IRAG1: variants seen among roughly 807,000 people sequenced by gnomAD.
IRAG1 encodes the protein IP3R-associated cGMP kinase substrate.
A neutral mutation model predicts 106.2 loss-of-function variants in IRAG1; 62 were observed. The ratio of observed to expected loss-of-function variants is 0.58; its 90% CI spans 0.48 to 0.72. The LOEUF is 0.72. Among genes scored for constraint, IRAG1 ranks in the 30% least tolerant of loss-of-function variants. The probability of loss-of-function intolerance (pLI) is 0.00; values close to 1 mark genes in which losing one functional copy is unlikely to be tolerated. For synonymous variants in IRAG1, 462 were observed against 443.9 expected, an observed-to-expected ratio of 1.04 and a Z score of -0.51; for missense variants, 1,064 against 1,140.7, an observed-to-expected ratio of 0.93 and a Z score of 0.97.
intron 15 of IRAG1, among the ~76,000 whole-genome samples, 187 bp downstream of exon 15, chr11:10,600,731 T>G (rs16908020): frequency 0.013 from 2,009 of 152,350 alleles, 44 homozygotes; most frequent in African/African-American, 0.046. Context: ...TCATGTTTCC[T>G]GGTTCCAGAC....
intron 1 of IRAG1, among the ~76,000 whole-genome samples, chr11:10,675,400 A>C (rs1860576734): frequency 6.6e-6 from 1 of 152,146 alleles, no homozygotes; most frequent in Non-Finnish European, 1.5e-5. Flanking sequence ...CATGCCTGCC[A>C]CTTGCTGTTA....
chr11:10,683,361 C>CAA (rs563286344), intron 1 of IRAG1, among the ~76,000 whole-genome samples: 17 of 92,612 alleles, frequency 1.8e-4, no homozygotes, highest in African/African-American at 4.5e-4. Flanking sequence ...AGGTTTGTGC[C>CAA]AAAAAAAAAA....
rs1031789699 is a variant in IRAG1 at position 10,604,334 on chromosome 11, C to G, written c.1743+71G>C. The G allele has an allele frequency of 1.8e-4, 290 of 1,584,516 alleles. 1 individual carries two copies. The highest frequency in any genetic ancestry group is 1.5e-3 in the Middle Eastern group (9 of 5,954). Reference sequence around the variant, plus strand: ...GACTATACTTGGTACCTGAGAGAAGCATGACACCCTGTATGGCCCTTGGGG... The same window carrying G: ...GACTATACTTGGTACCTGAGAGAAGGATGACACCCTGTATGGCCCTTGGGG... On this transcript the variant is annotated intron_variant, in intron 13 of 20. Coordinates refer to ENST00000423302, the MANE Select transcript of IRAG1 (RefSeq NM_130385.4).
intron 10 of IRAG1, among the ~76,000 whole-genome samples, chr11:10,621,352 C>T (rs560754052): frequency 6.6e-6 from 1 of 152,240 alleles, no homozygotes; most frequent in African/African-American, 2.4e-5. Context: ...ACACATTCAC[C>T]CAAGAATCCA....
At chr11:10,653,896 G>A (rs1178413519) in intron 1 of IRAG1, among the ~76,000 whole-genome samples, 1 of 152,168 alleles carries the variant, frequency 6.6e-6, no homozygotes, top group East Asian at 1.9e-4. Flanking sequence ...CAACTGGCCT[G>A]GTTCTGCAAC....
intron 10 of IRAG1, among the ~76,000 whole-genome samples, chr11:10,610,774 C>G (rs192767470): frequency 3.0e-4 from 46 of 152,328 alleles, no homozygotes; most frequent in Admixed American, 2.8e-3. Flanking sequence ...TGCCTGACTA[C>G]GGGCTTACAG....
chr11:10,665,387 G>A lies in IRAG1; in HGVS notation c.68-13205C>T, dbSNP rs892615988. ...TTTTACTAATACACACATCTAAACT[G>A]TTAGGGCTCCAGAGGAGTGACTCGG... is the stretch of plus-strand genomic sequence containing the variant. On this transcript the variant is annotated intron_variant, in intron 1 of 20. Coordinates refer to ENST00000423302, the MANE Select transcript of IRAG1 (RefSeq NM_130385.4). The surrounding 1 kb of genome is among the most constrained non-coding windows in gnomAD (Gnocchi z 4.2). Among the ~76,000 whole-genome samples, 2 of 152,164 alleles carry A rather than the reference G, an allele frequency of 1.3e-5. No homozygotes were observed. The highest frequency in any genetic ancestry group is 4.8e-5 in the African/African-American group (2 of 41,428).
intron 3 of IRAG1, among the ~76,000 whole-genome samples, chr11:10,633,139 A>G (rs1339182178): frequency 1.5e-5 from 2 of 136,646 alleles, no homozygotes; most frequent in Non-Finnish European, 3.0e-5. Flanking sequence ...CAGTGGCGCG[A>G]TCTGGGCTCA....
chr11:10,605,594 A>T (rs1030779187), intron 12 of IRAG1, among the ~76,000 whole-genome samples: 7 of 152,232 alleles, frequency 4.6e-5, no homozygotes, highest in Non-Finnish European at 8.8e-5. Flanking sequence ...GTTCAAGGTG[A>T]CACGGAGTAA....
At chr11:10,688,331 C>T (rs1250232392) in intron 1 of IRAG1, among the ~76,000 whole-genome samples, 1 of 152,178 alleles carries the variant, frequency 6.6e-6, no homozygotes, top group Non-Finnish European at 1.5e-5. Flanking sequence ...AAGGGAAGAG[C>T]TGGCCAACAC....
At chr11:10,691,470 G>A (rs549567888) in intron 1 of IRAG1, among the ~76,000 whole-genome samples, 1 of 152,274 alleles carries the variant, frequency 6.6e-6, no homozygotes, top group East Asian at 1.9e-4. Flanking sequence ...AAGGAACCTA[G>A]CTTCCTCACA....
At chr11:10,599,087 A>G (rs995006607) in intron 15 of IRAG1, among the ~76,000 whole-genome samples, 3 of 152,322 alleles carry the variant, frequency 2.0e-5, no homozygotes, top group African/African-American at 7.2e-5. Context: ...AAACACGTAC[A>G]GCTATCGTTG....
At chr11:10,588,786 A>T (rs1037240674) in intron 18 of IRAG1, among the ~76,000 whole-genome samples, 1 of 152,084 alleles carries the variant, frequency 6.6e-6, no homozygotes, top group East Asian at 1.9e-4. Flanking sequence ...CCCACCCATC[A>T]TGTTGTATTA....
chr11:10,574,985 C>T lies in IRAG1; in HGVS notation c.*1347G>A, dbSNP rs147929626. 1.3e-5 allele frequency: 2 copies of T among 152,010 alleles called. No individual in the cohort carries two copies. Among genetic ancestry groups the T allele is most frequent in the Non-Finnish European group, 2.9e-5 (2 of 68,004 alleles). 9.4% of individuals were successfully genotyped at this position (152,010 alleles called of 1,614,324 possible). Reference sequence around the variant, plus strand: ...TCTTCAGGACTTAAATGAATTCATACCTATGTAATACTGAGAACAGTGCTT... The same window carrying T: ...TCTTCAGGACTTAAATGAATTCATATCTATGTAATACTGAGAACAGTGCTT... On this transcript the variant is annotated 3_prime_UTR_variant, in exon 21 of 21. Coordinates refer to ENST00000423302, the MANE Select transcript of IRAG1 (RefSeq NM_130385.4).
At chr11:10,613,376 C>T (rs1040001350) in intron 10 of IRAG1, among the ~76,000 whole-genome samples, 5 of 151,936 alleles carry the variant, frequency 3.3e-5, no homozygotes, top group Non-Finnish European at 2.9e-5. Context: ...GCAACATCTA[C>T]GCAGTTCCAA....
intron 9 of IRAG1, 34 bp from the exon 10 acceptor site, chr11:10,623,890 A>G: frequency 6.3e-7 from 1 of 1,579,846 alleles, no homozygotes; most frequent in Non-Finnish European, 8.7e-7. Context: ...ACAATTTCAG[A>G]TGATGACACT....
intron 1 of IRAG1, among the ~76,000 whole-genome samples, chr11:10,661,794 T>C (rs1439728228): frequency 6.6e-6 from 1 of 152,222 alleles, no homozygotes; most frequent in Non-Finnish European, 1.5e-5. Context: ...AATTTAATCA[T>C]ATCTGCAAAG....
chr11:10,581,736 C>T (rs1334240165), intron 19 of IRAG1, 131 bp downstream of exon 19: 4 of 1,124,706 alleles, frequency 3.6e-6, no homozygotes, highest in Non-Finnish European at 4.9e-6. Context: ...CTATGTAGTT[C>T]CTTCCTGTGG....
chr11:10,597,711 C>T (rs1346023594), intron 15 of IRAG1, among the ~76,000 whole-genome samples: 7 of 152,098 alleles, frequency 4.6e-5, no homozygotes, highest in African/African-American at 9.7e-5. Flanking sequence ...TTTTATTTTC[C>T]GAGGTTCTTA....
Sources: allele counts gnomAD v4.1 joint callset (sites outside exome capture counted in the v4.1 genomes callset), GRCh38; gene constraint gnomAD v4.1.1; non-coding constraint Gnocchi (gnomAD v3.1); transcripts MANE v1.5; gene names NCBI Gene and HGNC (gene_info 2026-07-23, HGNC 2026-07-21).